LPAR1: variants seen among roughly 807,000 people sequenced by gnomAD.
The protein encoded by LPAR1 is LPA receptor 1.
In LPAR1, 5 loss-of-function variants were observed where a neutral mutation model predicts 23.8. The ratio of observed to expected loss-of-function variants is 0.21; its 90% confidence interval spans 0.11 to 0.44. The LOEUF (loss-of-function observed/expected upper bound fraction) is 0.44, where lower values mean the gene tolerates loss of function less well. Among genes scored for constraint, LPAR1 ranks in the 20% least tolerant of loss-of-function variants. The pLI is 0.99. For missense variants in LPAR1, 311 were observed against 482.8 expected (o/e 0.64, Z 3.33); for synonymous variants, 160 against 164.7 (o/e 0.97, Z 0.22).
intron 4 of LPAR1, among the ~76,000 whole-genome samples, chr9:110,946,652 T>C (rs974274403): frequency 7.2e-5 from 11 of 151,980 alleles, no homozygotes; most frequent in African/African-American, 1.7e-4. Flanking sequence ...ATATAGTATT[T>C]AACTCTTGAG....
chr9:110,962,292 G>A (rs568056625), intron 4 of LPAR1, among the ~76,000 whole-genome samples: 1 of 152,252 alleles, frequency 6.6e-6, no homozygotes, highest in African/African-American at 2.4e-5. Flanking sequence ...CCATTGAGCT[G>A]GGATGCTTCC....
At chr9:110,904,630 C>A (rs2090585238) in intron 5 of LPAR1, among the ~76,000 whole-genome samples, 1 of 152,208 alleles carries the variant, frequency 6.6e-6, no homozygotes, top group Non-Finnish European at 1.5e-5. Context: ...CTACCTCATT[C>A]TGAGACAGAA....
chr9:110,982,319 C>A (rs1243737050), intron 2 of LPAR1, among the ~76,000 whole-genome samples: 1 of 152,074 alleles, frequency 6.6e-6, no homozygotes, highest in African/African-American at 2.4e-5. Flanking sequence ...AGTTTATGTC[C>A]TTTTCAGGGA....
At chr9:110,878,049 G>A (rs931571187) in intron 5 of LPAR1, among the ~76,000 whole-genome samples, 6 of 152,298 alleles carry the variant, frequency 3.9e-5, no homozygotes, top group African/African-American at 1.4e-4. Flanking sequence ...ACCACAGCCT[G>A]ACACAGGAGC....
At chr9:110,977,833 A>C (rs1168660347) in intron 2 of LPAR1, among the ~76,000 whole-genome samples, 1 of 118,520 alleles carries the variant, frequency 8.4e-6, no homozygotes, top group Non-Finnish European at 1.7e-5. Context: ...GGAGGGAGGG[A>C]GGGAAGGAAG....
At chr9:111,006,916 G>A (rs1166913701) in intron 2 of LPAR1, among the ~76,000 whole-genome samples, 1 of 151,992 alleles carries the variant, frequency 6.6e-6, no homozygotes, top group Non-Finnish European at 1.5e-5. Flanking sequence ...CCTGATGGGA[G>A]GTGTTTGGAT....
rs116063671 is a variant in LPAR1 at position 111,011,612 on chromosome 9, T to C, written c.-182+24510A>G. Among the ~76,000 whole-genome samples, 788 of 152,304 alleles carry C rather than the reference T, an allele frequency of 5.2e-3. 8 individuals carry two copies. Among genetic ancestry groups the C allele is most frequent in the African/African-American group, 0.018 (737 of 41,562 alleles). On this transcript the variant is annotated intron_variant, in intron 2 of 5. Coordinates refer to ENST00000683809, the MANE Select transcript of LPAR1 (RefSeq NM_001351411.2). ...CTTTCCTCTGTCTCATAATTCTATT[T>C]TGCAGATCCTTTAAAACTTCTTTCC...
intron 2 of LPAR1, among the ~76,000 whole-genome samples, chr9:110,989,348 C>A (rs1039434357): frequency 3.3e-5 from 5 of 152,172 alleles, no homozygotes; most frequent in Admixed American, 3.3e-4. Flanking sequence ...TGCTGCAGAA[C>A]TCTTAATATA....
chr9:110,874,445 T>A lies in LPAR1; in HGVS notation c.*976A>T, dbSNP rs1337392550. ...CATATAGGCATACATGGGGGTTGCT[T>A]TTTAAAGGTGGTTACTTCTGGGTTG... On this transcript the variant is annotated 3_prime_UTR_variant, in exon 6 of 6. Coordinates refer to ENST00000683809, the MANE Select transcript of LPAR1 (RefSeq NM_001351411.2). The A allele has an allele frequency of 6.6e-6, 1 of 152,582 alleles. No individual in the cohort carries two copies. The highest frequency in any genetic ancestry group is 1.5e-5 in the Non-Finnish European group (1 of 68,004). 9.5% of individuals were successfully genotyped at this position (152,582 alleles called of 1,614,324 possible). A position where few individuals can be genotyped will look rare whatever the true frequency, so the allele number is the denominator to read the frequency against.
intron 2 of LPAR1, among the ~76,000 whole-genome samples, chr9:110,991,422 A>G (rs757850153): frequency 1.1e-4 from 17 of 152,160 alleles, no homozygotes; most frequent in Non-Finnish European, 2.4e-4. Flanking sequence ...CACATAAGAG[A>G]ACACCTGACA....
At chr9:111,017,229 T>C (rs1010952941) in intron 2 of LPAR1, among the ~76,000 whole-genome samples, 1 of 152,210 alleles carries the variant, frequency 6.6e-6, no homozygotes, top group Non-Finnish European at 1.5e-5. Context: ...TCACACTCAC[T>C]TCCTCTTACC....
At chr9:110,876,693 A>G (rs1267060277) in intron 5 of LPAR1, among the ~76,000 whole-genome samples, 2 of 152,206 alleles carry the variant, frequency 1.3e-5, no homozygotes. Flanking sequence ...CAAATTTACT[A>G]TTTCAGATGT....
In LPAR1 at chr9:110,954,701, AAAAC is replaced by A. The variant is rs575335485; in HGVS notation, c.46-12537_46-12534del. Among the ~76,000 whole-genome samples, 8 of 152,166 alleles carry A rather than the reference AAAAC, an allele frequency of 5.3e-5. No individual in the cohort carries two copies. The East Asian group carries it at 5.8e-4, about 11-fold the overall frequency. On this transcript the variant is annotated intron_variant, in intron 4 of 5. Transcript: ENST00000683809. ...TCATTCGAAGTGCTGAAGGAGGAAA[AAAAC>A]AAACAAACAAACAAACAAAAAAAAC...
intron 5 of LPAR1, among the ~76,000 whole-genome samples, chr9:110,887,835 T>G (rs2082824994): frequency 6.6e-6 from 1 of 152,194 alleles, no homozygotes; most frequent in South Asian, 2.1e-4. Context: ...GCTGTCTAAA[T>G]AAACTGCAAC....
chr9:110,927,955 T>C (rs2094157134), intron 5 of LPAR1, among the ~76,000 whole-genome samples: 1 of 152,118 alleles, frequency 6.6e-6, no homozygotes, highest in Non-Finnish European at 1.5e-5. Context: ...GTCTTCTCAA[T>C]AAAAATCAAT....
chr9:110,901,712 G>A (rs916657038), intron 5 of LPAR1, among the ~76,000 whole-genome samples: 1 of 149,324 alleles, frequency 6.7e-6, no homozygotes, highest in Non-Finnish European at 1.5e-5. Flanking sequence ...GATTTGGGTG[G>A]GGACACAGCC....
intron 4 of LPAR1, among the ~76,000 whole-genome samples, chr9:110,965,011 C>G (rs942926033): frequency 6.6e-6 from 1 of 151,938 alleles, no homozygotes; most frequent in African/African-American, 2.4e-5. Context: ...GCTGAGATTA[C>G]AGGTGCACGC....
intron 5 of LPAR1, among the ~76,000 whole-genome samples, chr9:110,939,401 C>T (rs919432873): frequency 1.3e-5 from 2 of 152,182 alleles, no homozygotes; most frequent in African/African-American, 4.8e-5. Context: ...CACCTATCAC[C>T]GTGACGGGGT....
rs55696642 is a variant in LPAR1, at chr9:111,009,998, A to AAT, written c.-182+26122_-182+26123dup. Among the ~76,000 whole-genome samples the AAT allele has an allele frequency of 2.2e-3, 271 of 123,240 alleles. 2 individuals are homozygous for AAT. Among genetic ancestry groups the AAT allele is most frequent in the East Asian group, 5.6e-3 (15 of 2,692 alleles). The allele number at this position is 123,240 out of a possible 152,430, so 80.9% of individuals were successfully genotyped here. Reference sequence around the variant, plus strand: ...TCATTTCTCATTTCATAATTAGGAAAATATATATATATATATATATATATA... The same window carrying AAT: ...TCATTTCTCATTTCATAATTAGGAAAATATATATATATATATATATATATATA... On this transcript the variant is annotated intron_variant, in intron 2 of 5. Transcript: ENST00000683809.
Sources: allele counts gnomAD v4.1 joint callset (sites outside exome capture counted in the v4.1 genomes callset), GRCh38; gene constraint gnomAD v4.1.1; transcripts MANE v1.5; gene names NCBI Gene and HGNC (gene_info 2026-07-23, HGNC 2026-07-21).